The following DEUP1 variants were observed in gnomAD, a reference collection of about 807,000 sequenced individuals.
The protein encoded by DEUP1 is deuterosome assembly protein 1, also known as coiled-coil domain containing 67.
DEUP1 carries 82 observed loss-of-function variants against 87.4 expected under a neutral mutation model. That is an observed-to-expected ratio of 0.94 (90% CI 0.78 to 1.13). The LOEUF (loss-of-function observed/expected upper bound fraction) is 1.13, where lower values mean the gene tolerates loss of function less well. Ranked by LOEUF, DEUP1 falls within the 50% of genes most tolerant of loss-of-function variation. The pLI, the probability that DEUP1 is intolerant of heterozygous loss-of-function variation, is 0.00. For missense variants in DEUP1, 663 were observed against 681.5 expected (o/e 0.97, Z 0.30); for synonymous variants, 214 against 222.7 (o/e 0.96, Z 0.35).
chr11:93,337,731 T>C (rs72970892), intron 2 of DEUP1, among the ~76,000 whole-genome samples: 231 of 152,210 alleles, frequency 1.5e-3, no homozygotes, highest in Middle Eastern at 0.01. Flanking sequence ...GAAGGAAAGT[T>C]ATTAGGAAGG....
chr11:93,416,560 C>A (rs1168849284), intron 13 of DEUP1, among the ~76,000 whole-genome samples: 2 of 151,598 alleles, frequency 1.3e-5, no homozygotes, highest in Non-Finnish European at 2.9e-5. Flanking sequence ...CAAAAAGAGT[C>A]CAGGACCAGA....
chr11:93,387,000 A>C (rs2134330098), intron 8 of DEUP1, among the ~76,000 whole-genome samples: 1 of 152,258 alleles, frequency 6.6e-6, no homozygotes, highest in East Asian at 1.9e-4. Context: ...TATTTGATCT[A>C]AAATCTTGCA....
intron 13 of DEUP1, among the ~76,000 whole-genome samples, chr11:93,416,950 T>G (rs76931713): frequency 1.6e-3 from 247 of 152,210 alleles, no homozygotes; most frequent in African/African-American, 5.4e-3. Context: ...CTCAATAGAT[T>G]CAGAAAAAGC....
At chr11:93,353,750 A>G (rs1309556261) in intron 2 of DEUP1, among the ~76,000 whole-genome samples, 2 of 152,224 alleles carry the variant, frequency 1.3e-5, no homozygotes, top group Admixed American at 6.5e-5. Flanking sequence ...CCCAAGCTCT[A>G]CATTGGCCCC....
rs191713092 is a variant in DEUP1 at position 93,380,069 on chromosome 11, A to C, written c.790-5329A>C. 5.9e-5 allele frequency among the ~76,000 whole-genome samples: 9 copies of C among 152,288 alleles called. No individual in the cohort carries two copies. The East Asian group carries it at 1.7e-3, about 29-fold the overall frequency. ...GCAATGCCTGGATACATGTTTGGTC[A>C]CCACAACAAGGAAAGGAGTGTGACC... On this transcript the variant is annotated intron_variant, in intron 7 of 13. Coordinates refer to ENST00000298050, the MANE Select transcript of DEUP1 (RefSeq NM_181645.4).
intron 2 of DEUP1, chr11:93,352,418 C>T (rs1351370250): frequency 1.4e-6 from 1 of 702,140 alleles, no homozygotes; most frequent in Admixed American, 2.0e-5. Flanking sequence ...AGTGAGAGCA[C>T]TTACCAATCT....
At chr11:93,348,924 C>T (rs992950464) in intron 2 of DEUP1, among the ~76,000 whole-genome samples, 3 of 152,254 alleles carry the variant, frequency 2.0e-5, no homozygotes, top group East Asian at 1.9e-4. Context: ...CTTATCAAGT[C>T]TGCAGCTCAC....
chr11:93,360,316 T>G (rs1945106292), intron 4 of DEUP1, among the ~76,000 whole-genome samples: 1 of 152,140 alleles, frequency 6.6e-6, no homozygotes, highest in South Asian at 2.1e-4. Flanking sequence ...TTCTAGAAAT[T>G]GTCAGAGGAG....
At chr11:93,378,883 C>G (rs1184490796) in intron 7 of DEUP1, among the ~76,000 whole-genome samples, 1 of 152,146 alleles carries the variant, frequency 6.6e-6, no homozygotes, top group Non-Finnish European at 1.5e-5. Context: ...CCAGACACTG[C>G]TATGTCTGTC....
At chr11:93,379,977 T>A (rs1946222532) in intron 7 of DEUP1, among the ~76,000 whole-genome samples, 1 of 152,246 alleles carries the variant, frequency 6.6e-6, no homozygotes, top group South Asian at 2.1e-4. Flanking sequence ...CATTGCCTAA[T>A]TTTTATGACT....
chr11:93,406,267 A>C (rs1021578027), intron 11 of DEUP1, among the ~76,000 whole-genome samples: 2 of 151,966 alleles, frequency 1.3e-5, no homozygotes, highest in African/African-American at 4.8e-5. Flanking sequence ...TACATTGCTC[A>C]GAATTGTGTA....
intron 2 of DEUP1, among the ~76,000 whole-genome samples, 170 bp from the exon 3 acceptor site, chr11:93,355,201 T>C (rs1944837960): frequency 6.6e-6 from 1 of 152,224 alleles, no homozygotes; most frequent in Non-Finnish European, 1.5e-5. Context: ...AGTTCTGAAA[T>C]TGGCTTTATT....
intron 13 of DEUP1, among the ~76,000 whole-genome samples, chr11:93,415,384 C>A (rs1177550366): frequency 2.0e-5 from 3 of 151,980 alleles, no homozygotes; most frequent in Non-Finnish European, 4.4e-5. Context: ...AAAAAAAATG[C>A]GAGTGCTTGG....
chr11:93,406,889 C>G (rs78651496), intron 11 of DEUP1, among the ~76,000 whole-genome samples: 2,252 of 151,754 alleles, frequency 0.015, 21 homozygotes, highest in East Asian at 0.059. Flanking sequence ...GTAAAATTTG[C>G]CAGGAAACAT....
intron 10 of DEUP1, among the ~76,000 whole-genome samples, chr11:93,395,296 C>T (rs781640032): frequency 6.6e-6 from 1 of 152,126 alleles, no homozygotes; most frequent in African/African-American, 2.4e-5. Flanking sequence ...ATTGAGAGCA[C>T]AGGGTTTATC....
intron 3 of DEUP1, 37 bp downstream of exon 3, chr11:93,355,579 C>T: frequency 6.5e-7 from 1 of 1,541,184 alleles, no homozygotes; most frequent in Non-Finnish European, 8.9e-7. Flanking sequence ...GCTAATTCAT[C>T]AGACTGTTAC....
chr11:93,374,486 C>G (rs769808705), intron 7 of DEUP1, among the ~76,000 whole-genome samples: 5 of 152,118 alleles, frequency 3.3e-5, no homozygotes, highest in Non-Finnish European at 7.4e-5. Context: ...CAGCTTCATT[C>G]TTCTCCAATT....
chr11:93,365,141 T>C (rs1352948632), intron 5 of DEUP1, among the ~76,000 whole-genome samples: 1 of 152,090 alleles, frequency 6.6e-6, no homozygotes, highest in Non-Finnish European at 1.5e-5. Flanking sequence ...ATCCCTCCCC[T>C]TGCCAGCACT....
rs1041390342 is a variant in DEUP1 at position 93,427,189 on chromosome 11, A to T, written c.1639-10354A>T. On this transcript the variant is annotated intron_variant, in intron 13 of 13. Transcript: ENST00000298050. ...CAAGTCAATCCTAAGCCAAAAGAAC[A>T]AAGCTGGAGGCATCATGCTACCTGA... Among the ~76,000 whole-genome samples the T allele has an allele frequency of 1.0e-3, 157 of 150,818 alleles. 1 individual carries two copies. Among genetic ancestry groups the T allele is most frequent in the Non-Finnish European group, 1.8e-3 (123 of 67,806 alleles).
Sources: gnomAD v4.1 joint callset for allele counts (sites outside exome capture counted in the v4.1 genomes callset) on GRCh38, gnomAD v4.1.1 for gene constraint, MANE v1.5 for transcripts, NCBI Gene and HGNC (gene_info 2026-07-23, HGNC 2026-07-21) for gene names.